The following PLPP1 variants were observed in gnomAD, a reference collection of about 807,000 sequenced individuals.
PLPP1 encodes phospholipid phosphatase 1.
PLPP1 carries 24 observed loss-of-function variants against 31.2 expected under a neutral mutation model. That is an observed-to-expected ratio of 0.77 (90% CI 0.56 to 1.08). The LOEUF (loss-of-function observed/expected upper bound fraction) is 1.08, where lower values mean the gene tolerates loss of function less well. Among genes scored for constraint, PLPP1 ranks in the 50% least tolerant of loss-of-function variants. The probability of loss-of-function intolerance (pLI) is 0.00; values close to 1 mark genes in which losing one functional copy is unlikely to be tolerated. For missense variants in PLPP1, 319 were observed against 342.7 expected (o/e 0.93, Z 0.55); for synonymous variants, 146 against 126.3 (o/e 1.16, Z -1.05).
At chr5:55,457,537 T>C (rs1752044116) in intron 3 of PLPP1, among the ~76,000 whole-genome samples, 1 of 152,106 alleles carries the variant, frequency 6.6e-6, no homozygotes, top group African/African-American at 2.4e-5. Flanking sequence ...ATAAGAAATA[T>C]CACAAGAAAA....
chr5:55,444,373 G>A (rs905345296), intron 3 of PLPP1, among the ~76,000 whole-genome samples: 5 of 152,094 alleles, frequency 3.3e-5, no homozygotes, highest in South Asian at 2.1e-4. Context: ...GAGCCACCGC[G>A]CCCGGCCCCA....
At chr5:55,504,615 A>C (rs542383393) in intron 1 of PLPP1, among the ~76,000 whole-genome samples, 4 of 151,134 alleles carry the variant, frequency 2.6e-5, no homozygotes, top group Non-Finnish European at 5.9e-5. Context: ...GGCAACATGC[A>C]CCTACATATA....
intron 1 of PLPP1, among the ~76,000 whole-genome samples, chr5:55,487,522 A>G (rs953401207): frequency 6.0e-4 from 92 of 152,156 alleles, no homozygotes; most frequent in African/African-American, 2.0e-3. Flanking sequence ...AAGAAGAAAC[A>G]GTAAATAATA....
intron 3 of PLPP1, among the ~76,000 whole-genome samples, chr5:55,457,738 A>G (rs764615627): frequency 6.6e-6 from 1 of 152,028 alleles, no homozygotes; most frequent in Non-Finnish European, 1.5e-5. Flanking sequence ...AAAATACACA[A>G]ATTAGCTGGA....
At chr5:55,435,999 G>A (rs1210149608) in intron 4 of PLPP1, among the ~76,000 whole-genome samples, 5 of 124,004 alleles carry the variant, frequency 4.0e-5, no homozygotes, top group African/African-American at 1.6e-4. Flanking sequence ...GGGCGACAGA[G>A]TGAGACTCTG....
At chr5:55,438,736 C>T (rs1312446214) in intron 4 of PLPP1, among the ~76,000 whole-genome samples, 1 of 152,018 alleles carries the variant, frequency 6.6e-6, no homozygotes, top group Non-Finnish European at 1.5e-5. Context: ...CCTGTCTCTA[C>T]TAAAGATACA....
intron 5 of PLPP1, 109 bp downstream of exon 5, chr5:55,425,754 C>G: frequency 9.9e-7 from 1 of 1,005,964 alleles, no homozygotes; most frequent in Non-Finnish European, 1.4e-6. Context: ...GATTCTTGCC[C>G]ACTGCATAGT....
chr5:55,480,137 C>T (rs1452937788), intron 1 of PLPP1, among the ~76,000 whole-genome samples: 3 of 152,128 alleles, frequency 2.0e-5, no homozygotes, highest in Non-Finnish European at 4.4e-5. Flanking sequence ...TCCCTTTCTT[C>T]GTTTATCAAA....
At chr5:55,455,372 G>A (rs1249597437) in intron 3 of PLPP1, among the ~76,000 whole-genome samples, 1 of 152,060 alleles carries the variant, frequency 6.6e-6, no homozygotes, top group African/African-American at 2.4e-5. Flanking sequence ...CAGGCAGAAC[G>A]CTTGAGCCCA....
In PLPP1 at chr5:55,425,049, G is replaced by GTAAC. The variant is rs1282547178; in HGVS notation, c.*153_*156dup. The GTAAC allele has an allele frequency of 2.9e-6, 3 of 1,020,482 alleles. No individual in the cohort carries two copies. Among genetic ancestry groups the GTAAC allele is most frequent in the Non-Finnish European group, 4.3e-6 (3 of 700,040 alleles). 63.2% of individuals were successfully genotyped at this position (1,020,482 alleles called of 1,614,324 possible). On this transcript the variant is annotated 3_prime_UTR_variant, in exon 6 of 6. Coordinates refer to ENST00000307259, the MANE Select transcript of PLPP1 (RefSeq NM_003711.4). ...CTATTAGATAACCACTGAGTTAAAG[G>GTAAC]TAACTATGTACACACAAAGTGTGCA...
Position 55,533,918 on chromosome 5 carries a change from C to T in PLPP1, c.58+654G>A, listed in dbSNP as rs566745075. On this transcript the variant is annotated intron_variant, in intron 1 of 5. Transcript: ENST00000307259. Reference sequence around the variant, plus strand: ...CTGCAGCCAAAGAATGTCTACTGCTCCTTGAGACACTGTCACAAGAGATGG... The same window carrying T: ...CTGCAGCCAAAGAATGTCTACTGCTTCTTGAGACACTGTCACAAGAGATGG... Among the ~76,000 whole-genome samples the T allele has an allele frequency of 1.2e-3, 178 of 152,226 alleles. 2 individuals carry two copies. The highest frequency in any genetic ancestry group is 5.6e-3 in the South Asian group (27 of 4,816).
At chr5:55,520,849 C>T (rs1753648620) in intron 1 of PLPP1, among the ~76,000 whole-genome samples, 1 of 152,180 alleles carries the variant, frequency 6.6e-6, no homozygotes, top group Non-Finnish European at 1.5e-5. Flanking sequence ...AAGTAATGTG[C>T]CCAAAAGTTT....
chr5:55,449,117 T>C (rs1751837589), intron 3 of PLPP1, among the ~76,000 whole-genome samples: 1 of 152,220 alleles, frequency 6.6e-6, no homozygotes, highest in Non-Finnish European at 1.5e-5. Flanking sequence ...CTAAAATGAA[T>C]AGCTCTATGT....
intron 3 of PLPP1, 121 bp downstream of exon 3, chr5:55,467,748 T>C: frequency 9.1e-7 from 1 of 1,094,296 alleles, no homozygotes; most frequent in Non-Finnish European, 1.3e-6. Flanking sequence ...AAGATCAAAA[T>C]TCACCTCCCA....
chr5:55,517,646 GGC>G (rs1424659735), intron 1 of PLPP1, among the ~76,000 whole-genome samples: 1 of 152,098 alleles, frequency 6.6e-6, no homozygotes, highest in Non-Finnish European at 1.5e-5. Flanking sequence ...CCCTACTTCA[GGC>G]AATGTAAATC....
At chr5:55,511,766 C>A (rs1753418424) in intron 1 of PLPP1, among the ~76,000 whole-genome samples, 1 of 149,230 alleles carries the variant, frequency 6.7e-6, no homozygotes, top group African/African-American at 2.5e-5. Flanking sequence ...AGGGTTGACG[C>A]CATTCTCCTG....
chr5:55,532,788 C>T (rs1273839492), intron 1 of PLPP1, among the ~76,000 whole-genome samples: 5 of 151,956 alleles, frequency 3.3e-5, no homozygotes, highest in Admixed American at 3.3e-4. Flanking sequence ...GAAACCCCGT[C>T]TCTACTAAAA....
In PLPP1 at chr5:55,475,254, C is replaced by G. The variant is rs761314673; in HGVS notation, c.210+45G>C. 7.2e-6 allele frequency: 11 copies of G among 1,527,198 alleles called. No homozygotes were observed. In the African/African-American group the frequency reaches 1.5e-4, roughly 21 times the overall value. The allele number at this position is 1,527,198 out of a possible 1,614,324, so 94.6% of individuals were successfully genotyped here. ...TTAAAAGAGTAACAGAAAATTAAGC[C>G]AAGTGCCCAAAAGTTATAAACTTGG... is the stretch of plus-strand genomic sequence containing the variant. On this transcript the variant is annotated intron_variant, in intron 2 of 5. Transcript: ENST00000307259.
intron 1 of PLPP1, chr5:55,530,518 C>T (rs1740625734): frequency 8.4e-7 from 1 of 1,194,106 alleles, no homozygotes; most frequent in Non-Finnish European, 1.3e-6. Flanking sequence ...CCTACTGAAT[C>T]TTCAGAGATC....
Sources: allele counts gnomAD v4.1 joint callset (sites outside exome capture counted in the v4.1 genomes callset), GRCh38; gene constraint gnomAD v4.1.1; transcripts MANE v1.5; gene names NCBI Gene and HGNC (gene_info 2026-07-23, HGNC 2026-07-21).